The following EPM2A variants were observed in gnomAD, a reference collection of about 807,000 sequenced individuals.
EPM2A encodes laforin.
A neutral mutation model predicts 26.5 loss-of-function variants in EPM2A; 21 were observed. The ratio of observed to expected loss-of-function variants is 0.79; its 90% CI spans 0.56 to 1.14. The LOEUF (loss-of-function observed/expected upper bound fraction) is 1.14. Ranked by LOEUF, EPM2A falls within the 50% of genes most tolerant of loss-of-function variation. The probability of loss-of-function intolerance (pLI) is 0.00; values close to 1 mark genes in which losing one functional copy is unlikely to be tolerated. For synonymous variants in EPM2A, 217 were observed against 177.6 expected (o/e 1.22, Z -1.76); for missense variants, 458 against 440.8 (o/e 1.04, Z -0.35).
intron 2 of EPM2A, among the ~76,000 whole-genome samples, chr6:145,596,362 T>C (rs1347565226): frequency 2.0e-5 from 3 of 152,172 alleles, no homozygotes; most frequent in Non-Finnish European, 4.4e-5. Flanking sequence ...TCCCTCCAGA[T>C]CTCTAAACAA....
chr6:145,452,911 T>A (rs1314423544), intron 4 of EPM2A, among the ~76,000 whole-genome samples: 3 of 152,162 alleles, frequency 2.0e-5, no homozygotes, highest in African/African-American at 7.2e-5. Context: ...ACTTTGCAAA[T>A]CAAACTACTT....
chr6:145,550,670 A>G (rs2114803693), intron 2 of EPM2A, among the ~76,000 whole-genome samples: 1 of 151,764 alleles, frequency 6.6e-6, no homozygotes, highest in Non-Finnish European at 1.5e-5. Context: ...ACCAAGACCA[A>G]CTCCTCCTCT....
downstream of EPM2A, among the ~76,000 whole-genome samples, chr6:145,623,312 T>C (rs938625305): frequency 2.0e-5 from 3 of 152,130 alleles, no homozygotes; most frequent in Non-Finnish European, 4.4e-5. Flanking sequence ...AGACTGTGGA[T>C]TGGGAAGGCT....
chr6:145,707,676 T>A lies in EPM2A; in HGVS notation c.302-21380A>T, dbSNP rs113260890. 7.7e-3 allele frequency among the ~76,000 whole-genome samples: 1,166 copies of A among 152,314 alleles called. 19 individuals carry two copies. The highest frequency in any genetic ancestry group is 0.027 in the African/African-American group (1,106 of 41,566). The stretch of plus-strand genomic sequence containing the variant: ...CCCTTCTTTTGCCTTCCGCCATGAT[T>A]GTGAGGCGTCCTCAGCCATGCGGAA... On this transcript the variant is annotated intron_variant, in intron 1 of 3. Coordinates refer to ENST00000367519, the MANE Select transcript of EPM2A (RefSeq NM_005670.4).
chr6:145,548,835 C>T (rs1035372677), intron 2 of EPM2A, among the ~76,000 whole-genome samples: 3 of 152,082 alleles, frequency 2.0e-5, no homozygotes, highest in Admixed American at 6.6e-5. Context: ...TACGTCTGCA[C>T]TTTGGTGGTC....
intron 1 of EPM2A, among the ~76,000 whole-genome samples, chr6:145,730,617 G>T (rs1776436284): frequency 6.6e-6 from 1 of 152,184 alleles, no homozygotes; most frequent in Non-Finnish European, 1.5e-5. Flanking sequence ...AAGCAAGTGA[G>T]GAGAGAGAGG....
chr6:145,593,119 T>C (rs1781297809), intron 2 of EPM2A, among the ~76,000 whole-genome samples: 1 of 151,938 alleles, frequency 6.6e-6, no homozygotes. Context: ...AGATTTACCA[T>C]ACCAACAATA....
intron 2 of EPM2A, among the ~76,000 whole-genome samples, chr6:145,658,681 T>C (rs117491944): frequency 0.011 from 1,649 of 152,180 alleles, 13 homozygotes; most frequent in Admixed American, 0.018. Flanking sequence ...CAAATCAAAA[T>C]AAGTTAAAAA....
chr6:145,449,601 C>T lies in EPM2A; in HGVS notation c.555+52921G>A, dbSNP rs532411954. 3.9e-5 allele frequency among the ~76,000 whole-genome samples: 6 copies of T among 152,308 alleles called. No individual in the cohort carries two copies. In the South Asian group the frequency reaches 1.2e-3, roughly 32 times the overall value. The stretch of plus-strand genomic sequence containing the variant: ...GGGAAAGAGCTTTGCTACCCAGTTC[C>T]AGATGTTCACATCACCCACTGGCTA... On this transcript the variant is annotated intron_variant, in intron 4 of 4. Coordinates refer to the EPM2A transcript ENST00000638717.
chr6:145,627,654 T>C lies in EPM2A; in HGVS notation c.758A>G (p.His253Arg), dbSNP rs749937487. ...QMLPQAVCLL[H>R]ALLEKGHIVY... is the part of the protein sequence containing the mutation. ...GATGTGTCCCTTCTCCAGCAGCGCA[T>C]GCAGCAGGCACACCGCCTGGGGCAG... The change falls in exon 4 of 4, where the codon CAT becomes CGT. Residue 253 changes from histidine (H) to arginine (R), a missense_variant. Coordinates refer to ENST00000367519, the MANE Select transcript of EPM2A (RefSeq NM_005670.4). 1.2e-6 allele frequency: 2 copies of C among 1,614,164 alleles called. No individual in the cohort carries two copies. Among genetic ancestry groups the C allele is most frequent in the Non-Finnish European group, 1.7e-6 (2 of 1,179,996 alleles).
chr6:145,555,245 A>G (rs1052729379), intron 2 of EPM2A, among the ~76,000 whole-genome samples: 1 of 152,086 alleles, frequency 6.6e-6, no homozygotes, highest in Non-Finnish European at 1.5e-5. Flanking sequence ...GTGTTAGTTC[A>G]TCCTCTGCTC....
intron 2 of EPM2A, among the ~76,000 whole-genome samples, chr6:145,541,483 T>C (rs577262854): frequency 1.3e-5 from 2 of 152,180 alleles, no homozygotes; most frequent in South Asian, 4.1e-4. Flanking sequence ...ATGTAAACAA[T>C]CTATGTTGTT....
chr6:145,628,085 G>T, intron 3 of EPM2A: 1 of 235,640 alleles, frequency 4.2e-6, no homozygotes, highest in Non-Finnish European at 8.4e-6. Flanking sequence ...TGTCAGGTCT[G>T]GCCACCTGAA....
At chr6:145,673,764 C>T (rs1057012612) in intron 2 of EPM2A, among the ~76,000 whole-genome samples, 1 of 152,086 alleles carries the variant, frequency 6.6e-6, no homozygotes, top group Non-Finnish European at 1.5e-5. Context: ...AGTAGGTAAA[C>T]AAAGTGGCCA....
intron 2 of EPM2A, among the ~76,000 whole-genome samples, chr6:145,663,922 T>C (rs573240391): frequency 1.2e-5 from 1 of 80,096 alleles, no homozygotes; most frequent in South Asian, 3.4e-4. Flanking sequence ...CTAAGCTTCA[T>C]AAGTGAAGGA....
At chr6:145,668,292 C>T (rs6570708) in intron 2 of EPM2A, among the ~76,000 whole-genome samples, 94,652 of 151,946 alleles carry the variant, frequency 0.62, 29,855 homozygotes, top group East Asian at 0.74. Context: ...AAGCAATTAA[C>T]ATAATGGTCA....
At chr6:145,407,113 T>C (rs1271357202) in intron 4 of EPM2A, among the ~76,000 whole-genome samples, 2 of 152,124 alleles carry the variant, frequency 1.3e-5, no homozygotes, top group African/African-American at 2.4e-5. Context: ...CTAATCCCTG[T>C]CTTTGGCAGT....
At chr6:145,422,956 G>A (rs888173890) in intron 4 of EPM2A, among the ~76,000 whole-genome samples, 1 of 151,674 alleles carries the variant, frequency 6.6e-6, no homozygotes, top group African/African-American at 2.4e-5. Flanking sequence ...TGTTTTATAT[G>A]AATATATATT....
chr6:145,584,170 T>C (rs986576209), intron 2 of EPM2A, among the ~76,000 whole-genome samples: 1 of 152,038 alleles, frequency 6.6e-6, no homozygotes, highest in Non-Finnish European at 1.5e-5. Flanking sequence ...TTAAGCAAAG[T>C]GTCAGGGGGA....
Sources: gnomAD v4.1 joint callset for allele counts (sites outside exome capture counted in the v4.1 genomes callset) on GRCh38, gnomAD v4.1.1 for gene constraint, MANE v1.5 for transcripts, NCBI Gene and HGNC (gene_info 2026-07-23, HGNC 2026-07-21) for gene names.